The following RPAP1 variants were observed in gnomAD, a reference collection of about 807,000 sequenced individuals.
RPAP1 encodes RNA polymerase II associated protein 1.
In RPAP1, 109 loss-of-function variants were observed where a neutral mutation model predicts 142.4. The observed-to-expected ratio is 0.77, with a 90% CI of 0.66 to 0.90. RPAP1 has a LOEUF of 0.90. Ranked by LOEUF, RPAP1 falls within the 40% of genes least tolerant of loss-of-function variation. RPAP1 has a pLI of 0.00. For synonymous variants in RPAP1, 704 were observed against 738.9 expected (o/e 0.95, Z 0.77); for missense variants, 1,546 against 1,751.7 (o/e 0.88, Z 2.10).
At chr15:41,529,426 G>T in intron 9 of RPAP1, 44 bp downstream of exon 9, 1 of 1,294,312 alleles carries the variant, frequency 7.7e-7, no homozygotes, top group Non-Finnish European at 1.1e-6. Context: ...TTTCCATGGG[G>T]TTGTTAAAAG....
At chr15:41,538,087 T>C (rs1382365404) in intron 1 of RPAP1, among the ~76,000 whole-genome samples, 3 of 151,390 alleles carry the variant, frequency 2.0e-5, no homozygotes, top group Admixed American at 6.6e-5. Context: ...ACTAAAAATA[T>C]AAAAAACTAG....
intron 20 of RPAP1, 78 bp downstream of exon 20, chr15:41,522,020 C>T (rs1231139355): frequency 1.9e-6 from 3 of 1,576,220 alleles, no homozygotes; most frequent in Middle Eastern, 1.8e-4. Flanking sequence ...CATGGCCTGG[C>T]AGAAGCAGGC....
chr15:41,540,597 G>C (rs764051651), intron 1 of RPAP1, among the ~76,000 whole-genome samples: 2 of 152,172 alleles, frequency 1.3e-5, no homozygotes, highest in Admixed American at 6.6e-5. Context: ...CACTGCAACG[G>C]GCCAGTTACT....
chr15:41,537,352 C>G (rs2412620), intron 1 of RPAP1, among the ~76,000 whole-genome samples, 151 bp from the exon 2 acceptor site: 46,618 of 152,014 alleles, frequency 0.31, 7,757 homozygotes, highest in Admixed American at 0.39. Flanking sequence ...TCAGCCCTCC[C>G]TGATGTCATC....
chr15:41,542,839 G>A (rs2051982882), intron 1 of RPAP1, among the ~76,000 whole-genome samples: 2 of 152,160 alleles, frequency 1.3e-5, no homozygotes, highest in Admixed American at 1.3e-4. Flanking sequence ...CCAAAGGGCA[G>A]ATAACCATAT....
Position 41,524,130 on chromosome 15 carries a change from G to A in RPAP1, c.2200C>T (p.Leu734=), listed in dbSNP as rs866594451. The change falls in exon 16 of 25, where the codon CTG becomes TTG. Residue 734 remains leucine, a synonymous_variant. Coordinates refer to ENST00000304330, the MANE Select transcript of RPAP1 (RefSeq NM_015540.4). ...TCAGCAGGGGTACTGCCGGCTGCCA[G>A]GGTTAGCTGGGTGAGGAGAGTGAGC... ...SLLTLLTQLT[L]AAGSTPAETI... 1 of 1,593,724 alleles carries A rather than the reference G, an allele frequency of 6.3e-7. No individual in the cohort carries two copies. Among genetic ancestry groups the A allele is most frequent in the African/African-American group, 1.3e-5 (1 of 74,648 alleles).
intron 12 of RPAP1, 55 bp downstream of exon 12, chr15:41,527,368 T>C: frequency 1.2e-6 from 2 of 1,612,908 alleles, no homozygotes; most frequent in Non-Finnish European, 1.7e-6. Context: ...GGCCCCTCTT[T>C]CCAGCATGTG....
chr15:41,522,381 C>T (rs985056556), intron 19 of RPAP1, 131 bp from the exon 20 acceptor site: 44 of 854,268 alleles, frequency 5.2e-5, no homozygotes, highest in Non-Finnish European at 7.9e-5. Flanking sequence ...CATGGGACAC[C>T]CTCCCACTTT....
chr15:41,529,459 C>A lies in RPAP1; in HGVS notation c.1158+11G>T. On this transcript the variant is annotated intron_variant, in intron 9 of 24. Transcript: ENST00000304330. ...AAGAGCTGCCCCATCCTCTCCAGTC[C>A]CATGCCTCACCTCTGCCTCCTCTCC... 1 of 1,593,490 alleles carries A rather than the reference C, an allele frequency of 6.3e-7. No individual in the cohort carries two copies. Among genetic ancestry groups the A allele is most frequent in the Non-Finnish European group, 8.6e-7 (1 of 1,163,458 alleles).
chr15:41,538,053 T>G (rs7179280), intron 1 of RPAP1, among the ~76,000 whole-genome samples: 1 of 151,892 alleles, frequency 6.6e-6, no homozygotes, highest in Non-Finnish European at 1.5e-5. Flanking sequence ...ACCATCCTGG[T>G]TAACACGGTG....
intron 14 of RPAP1, among the ~76,000 whole-genome samples, chr15:41,525,906 G>A (rs1192883116): frequency 6.6e-6 from 1 of 150,922 alleles, no homozygotes; most frequent in African/African-American, 2.4e-5. Context: ...CACCTGCCTT[G>A]GCCTCCCAAA....
At chr15:41,540,733 C>T (rs1178186058) in intron 1 of RPAP1, among the ~76,000 whole-genome samples, 1 of 152,174 alleles carries the variant, frequency 6.6e-6, no homozygotes, top group African/African-American at 2.4e-5. Context: ...CTCTTACCCA[C>T]TATGTTCTAC....
chr15:41,523,707 C>T (rs752945072), intron 17 of RPAP1, 64 bp downstream of exon 17: 415 of 1,381,342 alleles, frequency 3.0e-4, no homozygotes, highest in Admixed American at 6.5e-4. Flanking sequence ...GAGGGAGCAA[C>T]GGGTGGAATG....
intron 6 of RPAP1, among the ~76,000 whole-genome samples, chr15:41,531,617 ATATATATATATTTTTTTTTTT>A (rs1485710849): frequency 2.1e-4 from 20 of 95,000 alleles, no homozygotes; most frequent in African/African-American, 8.9e-4. Context: ...ATATATATAT[ATATATATATATTTTTTTTTTT>A]TTTTTTTTTT....
intron 1 of RPAP1, among the ~76,000 whole-genome samples, chr15:41,537,798 G>A (rs1163736122): frequency 1.3e-5 from 2 of 150,756 alleles, no homozygotes; most frequent in Non-Finnish European, 2.9e-5. Flanking sequence ...CAGGAGAATC[G>A]CTTGAACCTG....
intron 6 of RPAP1, 112 bp from the exon 7 acceptor site, chr15:41,531,314 C>T (rs1017962978): frequency 1.8e-6 from 2 of 1,090,706 alleles, no homozygotes; most frequent in Admixed American, 2.2e-5. Context: ...ACAGGACAAG[C>T]TGCTTCCGAG....
chr15:41,540,926 G>C (rs1174120881), intron 1 of RPAP1, among the ~76,000 whole-genome samples: 4 of 152,134 alleles, frequency 2.6e-5, no homozygotes, highest in African/African-American at 9.7e-5. Flanking sequence ...GCGCACTGTA[G>C]GATGTTTAGC....
chr15:41,537,509 T>C (rs1442246863), intron 1 of RPAP1, among the ~76,000 whole-genome samples: 1 of 152,186 alleles, frequency 6.6e-6, no homozygotes, highest in Non-Finnish European at 1.5e-5. Context: ...GTGATGATTC[T>C]GTATCAAACT....
Position 41,534,735 on chromosome 15 carries a change from G to A in RPAP1, c.742C>T (p.Gln248Ter), listed in dbSNP as rs2051890197. The change falls in exon 6 of 25, where the codon CAG becomes TAG. Residue 248 changes from glutamine to a stop codon, truncating the protein, a stop_gained. Transcript: ENST00000304330. LOFTEE classifies it high-confidence loss of function. ...ATACCAAGCTGGGCCAGCAACCGCT[G>A]CTGTTCCTGCAGGATCTCCTCAGGA... ...MAPEEILQEQ[Q>*]RLLAQLDPSL... The A allele has an allele frequency of 6.2e-7, 1 of 1,613,958 alleles. No individual in the cohort carries two copies. Among genetic ancestry groups the A allele is most frequent in the Non-Finnish European group, 8.5e-7 (1 of 1,179,990 alleles).
Sources: gnomAD v4.1 joint callset for allele counts (sites outside exome capture counted in the v4.1 genomes callset) on GRCh38, gnomAD v4.1.1 for gene constraint, MANE v1.5 for transcripts, NCBI Gene and HGNC (gene_info 2026-07-23, HGNC 2026-07-21) for gene names.